The following SBF2 variants were observed in gnomAD, a reference collection of about 807,000 sequenced individuals.
SBF2 encodes SET binding factor 2.
SBF2 carries 112 observed loss-of-function variants against 225.2 expected under a neutral mutation model. That is an observed-to-expected ratio of 0.50 (90% CI 0.43 to 0.58). SBF2 has a LOEUF of 0.58. SBF2 is among the 20% of genes least tolerant of loss of function. The probability of loss-of-function intolerance (pLI) is 0.00; values close to 1 mark genes in which losing one functional copy is unlikely to be tolerated. For synonymous variants in SBF2, 763 were observed against 773.3 expected, an observed-to-expected ratio of 0.99 and a Z score of 0.22; for missense variants, 1,996 against 2,206.2, an observed-to-expected ratio of 0.90 and a Z score of 1.91.
chr11:10,094,750 C>T (rs544009512), intron 2 of SBF2, among the ~76,000 whole-genome samples: 18 of 151,654 alleles, frequency 1.2e-4, no homozygotes, highest in African/African-American at 3.4e-4. Flanking sequence ...GTGATCCACC[C>T]GCCTCGGCCT....
intron 1 of SBF2, among the ~76,000 whole-genome samples, chr11:10,262,349 A>C (rs1236735586): frequency 6.6e-6 from 1 of 152,184 alleles, no homozygotes. Flanking sequence ...TTGTATTTGA[A>C]ATTTTTCATA....
chr11:9,850,302 C>T lies in SBF2; in HGVS notation c.2611-84G>A, dbSNP rs4424662. On this transcript the variant is annotated intron_variant, in intron 21 of 39. Transcript: ENST00000256190. The stretch of plus-strand genomic sequence containing the variant: ...ACAGGGTCTTGCTCTGTTGCCCAGC[C>T]TAGAATACAGTAGTGCAATCATAGT... The T allele has an allele frequency of 0.23, 293,039 of 1,279,118 alleles. 36,245 individuals are homozygous for T. The highest frequency in any genetic ancestry group is 0.4 in the African/African-American group (27,797 of 68,736). The allele number at this position is 1,279,118 out of a possible 1,614,324, so 79.2% of individuals were successfully genotyped here. A position where few individuals can be genotyped will look rare whatever the true frequency, so the allele number is the denominator to read the frequency against.
At position 9,842,776 on chromosome 11, in the gene SBF2, A is replaced by T; in HGVS notation, c.3111-6T>A. 6.2e-7 allele frequency: 1 copy of T among 1,613,960 alleles called. No individual in the cohort carries two copies. Among genetic ancestry groups the T allele is most frequent in the Non-Finnish European group, 8.5e-7 (1 of 1,179,918 alleles). ...CAATTGTTTTTGAGAAGGTACTACAAGTCATAAAACCAAAGAGAATGTCAA... is the reference window on the plus strand; with the variant it reads ...CAATTGTTTTTGAGAAGGTACTACATGTCATAAAACCAAAGAGAATGTCAA... On this transcript the variant is annotated splice_polypyrimidine_tract_variant and splice_region_variant and intron_variant, in intron 24 of 39. Coordinates refer to ENST00000256190, the MANE Select transcript of SBF2 (RefSeq NM_030962.4).
At chr11:9,874,536 A>C (rs935267916) in intron 17 of SBF2, among the ~76,000 whole-genome samples, 2 of 152,238 alleles carry the variant, frequency 1.3e-5, no homozygotes, top group Non-Finnish European at 2.9e-5. Context: ...CAATGACCAA[A>C]TAAAGACTCA....
intron 1 of SBF2, among the ~76,000 whole-genome samples, chr11:10,290,828 A>C (rs887033971): frequency 1.3e-5 from 2 of 152,232 alleles, no homozygotes; most frequent in Non-Finnish European, 2.9e-5. Context: ...ATACATACCT[A>C]TACTTACCAG....
intron 2 of SBF2, among the ~76,000 whole-genome samples, chr11:10,054,779 C>A (rs1205758914): frequency 6.6e-6 from 1 of 152,056 alleles, no homozygotes; most frequent in Non-Finnish European, 1.5e-5. Flanking sequence ...AGAAGATATA[C>A]AAACGGCCAG....
At chr11:9,892,854 C>T (rs11826573) in intron 17 of SBF2, among the ~76,000 whole-genome samples, 2,174 of 148,472 alleles carry the variant, frequency 0.015, 42 homozygotes, top group African/African-American at 0.05. Flanking sequence ...CCACCGTACC[C>T]GGTATATACA....
chr11:9,950,936 T>G lies in SBF2; in HGVS notation c.1860+11021A>C, dbSNP rs191397826. On this transcript the variant is annotated intron_variant, in intron 16 of 39. Coordinates refer to ENST00000256190, the MANE Select transcript of SBF2 (RefSeq NM_030962.4). ...TGCCAGACAAAATGGGAAATATACA[T>G]GTCAACAGGCAATATCATTATATGT... is the stretch of plus-strand genomic sequence containing the variant. Among the ~76,000 whole-genome samples, 62 of 152,284 alleles carry G rather than the reference T, an allele frequency of 4.1e-4. 1 individual carries two copies. Among genetic ancestry groups the G allele is most frequent in the African/African-American group, 1.3e-3 (54 of 41,552 alleles).
intron 3 of SBF2, among the ~76,000 whole-genome samples, chr11:10,033,693 A>ACACAC (rs1158589807): frequency 7.1e-6 from 1 of 140,632 alleles, no homozygotes; most frequent in Non-Finnish European, 1.6e-5. Context: ...CACACACAAC[A>ACACAC]AATAAACCCC....
intron 1 of SBF2, among the ~76,000 whole-genome samples, chr11:10,291,674 AC>A (rs1251429428): frequency 1.6e-5 from 2 of 122,746 alleles, no homozygotes; most frequent in African/African-American, 5.7e-5. Flanking sequence ...ACACACACAC[AC>A]ACACACACAC....
At chr11:9,867,153 G>T (rs908084786) in intron 17 of SBF2, among the ~76,000 whole-genome samples, 1 of 152,090 alleles carries the variant, frequency 6.6e-6, no homozygotes, top group African/African-American at 2.4e-5. Context: ...GTAACACAAA[G>T]GATAAATGCT....
At chr11:10,288,122 G>A (rs1483761945) in intron 1 of SBF2, among the ~76,000 whole-genome samples, 1 of 152,224 alleles carries the variant, frequency 6.6e-6, no homozygotes, top group Non-Finnish European at 1.5e-5. Flanking sequence ...CCTAGCTTGG[G>A]GAGCTCCCAG....
chr11:9,928,853 TA>T (rs1864260730), intron 16 of SBF2: 2 of 221,274 alleles, frequency 9.0e-6, no homozygotes, highest in African/African-American at 4.6e-5. Context: ...TTTCTTTTGT[TA>T]ATGACTTATT....
chr11:9,797,813 A>AAAAC (rs569074498), intron 32 of SBF2, among the ~76,000 whole-genome samples: 150 of 152,310 alleles, frequency 9.8e-4, no homozygotes, highest in African/African-American at 3.1e-3. Flanking sequence ...TACAAAAATT[A>AAAAC]AAACAAACAA....
intron 7 of SBF2, among the ~76,000 whole-genome samples, chr11:10,001,467 AG>A (rs11324232): frequency 0.25 from 37,787 of 151,412 alleles, 4,855 homozygotes; most frequent in Middle Eastern, 0.31. Context: ...GGCAAAAAAA[AG>A]GGGGGGGCCA....
intron 2 of SBF2, among the ~76,000 whole-genome samples, chr11:10,087,026 G>C (rs1234340780): frequency 6.6e-6 from 1 of 152,194 alleles, no homozygotes; most frequent in Non-Finnish European, 1.5e-5. Context: ...GTAAATGTAA[G>C]ATGTGCTATT....
At chr11:10,209,761 TTATGTTCCACTGCA>T (rs995079151) in intron 1 of SBF2, among the ~76,000 whole-genome samples, 2 of 152,074 alleles carry the variant, frequency 1.3e-5, no homozygotes, top group African/African-American at 4.8e-5. Context: ...TCCACTAGGA[TTATGTTCCACTGCA>T]TATGACAGAA....
chr11:10,209,429 G>A (rs745701844), intron 1 of SBF2, among the ~76,000 whole-genome samples: 10 of 151,370 alleles, frequency 6.6e-5, no homozygotes, highest in Admixed American at 1.3e-4. Flanking sequence ...TCTCTCAAAC[G>A]CAAACTTCCT....
chr11:10,279,106 TAAA>T (rs58093618), intron 1 of SBF2, among the ~76,000 whole-genome samples: 1 of 56,138 alleles, frequency 1.8e-5, no homozygotes. Context: ...GGTCTTGTAT[TAAA>T]AAAAAAAAAA....
Sources: allele counts gnomAD v4.1 joint callset (sites outside exome capture counted in the v4.1 genomes callset), GRCh38; gene constraint gnomAD v4.1.1; transcripts MANE v1.5; gene names NCBI Gene and HGNC (gene_info 2026-07-23, HGNC 2026-07-21).